The following DPP6 variants were observed in gnomAD, a reference collection of about 807,000 sequenced individuals.
DPP6 encodes A-type potassium channel modulatory protein DPP6.
A neutral mutation model predicts 122.6 loss-of-function variants in DPP6; 69 were observed. The ratio of observed to expected loss-of-function variants is 0.56; its 90% CI spans 0.46 to 0.69. DPP6 has a LOEUF of 0.69. Ranked by LOEUF, DPP6 falls within the 30% of genes least tolerant of loss-of-function variation. The pLI, the probability that DPP6 is intolerant of heterozygous loss-of-function variation, is 0.00. For missense variants in DPP6, 928 were observed against 1,116.9 expected (o/e 0.83, Z 2.41); for synonymous variants, 418 against 433.1 (o/e 0.97, Z 0.43).
intron 1 of DPP6, among the ~76,000 whole-genome samples, chr7:154,266,517 T>G (rs1362652450): frequency 6.6e-6 from 1 of 152,166 alleles, no homozygotes; most frequent in Non-Finnish European, 1.5e-5. Context: ...AGGCAGAGGT[T>G]GCAGTGAGTG....
chr7:154,568,529 G>A (rs1830908863), intron 5 of DPP6, among the ~76,000 whole-genome samples: 1 of 152,266 alleles, frequency 6.6e-6, no homozygotes, highest in Non-Finnish European at 1.5e-5. Flanking sequence ...ATCGGAAGAG[G>A]CGTGCTCTAG....
At chr7:154,587,945 G>T (rs375756767) in intron 5 of DPP6, 6 of 1,612,866 alleles carry the variant, frequency 3.7e-6, no homozygotes, top group Admixed American at 1.7e-5. Flanking sequence ...ACCAGGCTTC[G>T]CAGCCATGCA....
At chr7:154,801,311 A>G (rs1351799026) in intron 12 of DPP6, 44 bp from the exon 13 acceptor site, 11 of 1,553,256 alleles carry the variant, frequency 7.1e-6, no homozygotes, top group Non-Finnish European at 8.7e-6. Flanking sequence ...CTTCAGAATA[A>G]ATGATGTTTT....
chr7:154,340,291 T>G (rs192039704), intron 1 of DPP6, among the ~76,000 whole-genome samples: 6 of 152,372 alleles, frequency 3.9e-5, no homozygotes, highest in Admixed American at 1.3e-4. Context: ...ATGTTATTTG[T>G]ATTCTGTGAA....
At chr7:154,304,869 CT>C (rs1806152520) in intron 1 of DPP6, among the ~76,000 whole-genome samples, 1 of 152,220 alleles carries the variant, frequency 6.6e-6, no homozygotes, top group South Asian at 2.1e-4. Flanking sequence ...CCTCTGCCCC[CT>C]GTCCAGGTAC....
chr7:154,211,027 G>A (rs755856881), intron 1 of DPP6, among the ~76,000 whole-genome samples: 12 of 152,184 alleles, frequency 7.9e-5, no homozygotes, highest in South Asian at 2.1e-4. Flanking sequence ...GAGCTAAACT[G>A]TTGCCCAAAC....
intron 5 of DPP6, among the ~76,000 whole-genome samples, chr7:154,568,998 A>C (rs1830942594): frequency 6.6e-6 from 1 of 152,128 alleles, no homozygotes; most frequent in Admixed American, 6.5e-5. Flanking sequence ...GGAAATTATA[A>C]CCTATAGGTT....
At chr7:154,265,616 C>CA (rs1219999430) in intron 1 of DPP6, among the ~76,000 whole-genome samples, 2 of 151,830 alleles carry the variant, frequency 1.3e-5, no homozygotes, top group African/African-American at 2.4e-5. Context: ...TAGCAAGCAT[C>CA]AAAAAAATCC....
the DPP6 span, among the ~76,000 whole-genome samples, chr7:153,863,021 T>C: frequency 3.3e-5 from 5 of 152,330 alleles, no homozygotes; most frequent in Admixed American, 6.5e-5. Context: ...TCTTAAAATA[T>C]ATTGGTTGAA....
chr7:154,788,025 G>T (rs1245256481), intron 10 of DPP6, among the ~76,000 whole-genome samples: 1 of 152,114 alleles, frequency 6.6e-6, no homozygotes, highest in East Asian at 1.9e-4. Flanking sequence ...TCATCAAATT[G>T]ATAGTAGTTT....
chr7:154,611,736 A>T (rs915220625), intron 5 of DPP6, among the ~76,000 whole-genome samples: 1 of 152,206 alleles, frequency 6.6e-6, no homozygotes, highest in Non-Finnish European at 1.5e-5. Flanking sequence ...CAAAGATCCC[A>T]TGTACTCTTT....
At chr7:154,681,493 G>C (rs759807926) in intron 7 of DPP6, among the ~76,000 whole-genome samples, 6 of 152,202 alleles carry the variant, frequency 3.9e-5, no homozygotes, top group Non-Finnish European at 8.8e-5. Context: ...ATGATGGGGC[G>C]TGGAGCCGCA....
chr7:154,650,466 A>G (rs1444503462), intron 6 of DPP6, among the ~76,000 whole-genome samples: 1 of 152,176 alleles, frequency 6.6e-6, no homozygotes, highest in Non-Finnish European at 1.5e-5. Context: ...CTGCACTTGG[A>G]CATCCTGGTG....
intron 7 of DPP6, among the ~76,000 whole-genome samples, chr7:154,690,473 A>T (rs1839870780): frequency 6.6e-6 from 1 of 152,154 alleles, no homozygotes; most frequent in Admixed American, 6.5e-5. Context: ...ACTGTCTTCC[A>T]TGATGAGCTG....
chr7:153,834,260 C>T, the DPP6 span, among the ~76,000 whole-genome samples: 1 of 149,224 alleles, frequency 6.7e-6, no homozygotes, highest in African/African-American at 2.5e-5. Flanking sequence ...GAACTCCAGC[C>T]TGGGTGACTC....
At chr7:154,666,546 C>T (rs1039816970) in intron 6 of DPP6, among the ~76,000 whole-genome samples, 3 of 152,068 alleles carry the variant, frequency 2.0e-5, no homozygotes, top group Non-Finnish European at 2.9e-5. Context: ...TTGAAACATG[C>T]ATTACATTCT....
chr7:154,165,086 A>T lies in DPP6; in HGVS notation c.243+112023A>T, dbSNP rs1489906240. ...TTAGTTACATATGTATACATGTGCC[A>T]TGCTGGTGCGCTGCACCCACTAACT... is the stretch of plus-strand genomic sequence containing the variant. On this transcript the variant is annotated intron_variant, in intron 1 of 25. Transcript: ENST00000377770. Among the ~76,000 whole-genome samples the T allele has an allele frequency of 2.7e-5, 4 of 150,786 alleles. No homozygotes were observed. The East Asian group carries it at 7.8e-4, about 29-fold the overall frequency.
intron 20 of DPP6, 69 bp from the exon 21 acceptor site, chr7:154,880,819 T>G (rs1563318095): frequency 1.2e-6 from 2 of 1,613,776 alleles, no homozygotes; most frequent in Non-Finnish European, 1.7e-6. Context: ...AACATGGCTC[T>G]GGGCTACAGG....
rs574096737 is a variant in DPP6 at position 154,289,258 on chromosome 7, C to T, written c.244-156956C>T. On this transcript the variant is annotated intron_variant, in intron 1 of 25. Coordinates refer to ENST00000377770, the MANE Select transcript of DPP6 (RefSeq NM_130797.4). The stretch of plus-strand genomic sequence containing the variant: ...TATTTCCGAGACTTGATAAGTCATC[C>T]GGACCCTGGCTGCTCACTCCCAGGG... Among the ~76,000 whole-genome samples the T allele has an allele frequency of 8.5e-5, 13 of 152,242 alleles. No homozygotes were observed. In the South Asian group the frequency reaches 1.0e-3, roughly 12 times the overall value.
Sources: gnomAD v4.1 joint callset for allele counts (sites outside exome capture counted in the v4.1 genomes callset) on GRCh38, gnomAD v4.1.1 for gene constraint, MANE v1.5 for transcripts, NCBI Gene and HGNC (gene_info 2026-07-23, HGNC 2026-07-21) for gene names.